CLCA1: variants seen among roughly 807,000 people sequenced by gnomAD.
The protein encoded by CLCA1 is calcium-activated chloride channel regulator 1.
A neutral mutation model predicts 85.6 loss-of-function variants in CLCA1; 59 were observed. The ratio of observed to expected loss-of-function variants is 0.69; its 90% CI spans 0.56 to 0.86. The LOEUF (loss-of-function observed/expected upper bound fraction) is 0.86, where lower values mean the gene tolerates loss of function less well. Among genes scored for constraint, CLCA1 ranks in the 40% least tolerant of loss-of-function variants. CLCA1 has a pLI of 0.00. For missense variants in CLCA1, 1,022 were observed against 1,101.4 expected (o/e 0.93, Z 1.02); for synonymous variants, 396 against 398.3 (o/e 0.99, Z 0.07).
chr1:86,491,360 C>A lies in CLCA1; in HGVS notation c.1453C>A (p.Arg485Ser). 6.2e-7 allele frequency: 1 copy of A among 1,607,858 alleles called. No homozygotes were observed. Among genetic ancestry groups the A allele is most frequent in the Non-Finnish European group, 8.5e-7 (1 of 1,174,788 alleles). The part of the protein sequence containing the change: ...LSSGNGAVSQ[R>S]SIQLESKGLT... The stretch of plus-strand genomic sequence containing the variant: ...ATCAGGAAATGGAGCTGTCTCTCAG[C>A]GCTCCATCCAGGTTGGAGTTCTTAA... Residue 485 changes from arginine to serine, a missense_variant, in exon 9 of 14, where the codon CGC becomes AGC. Physicochemically the swap from Arg to Ser is moderately radical, Grantham distance 110. Coordinates refer to ENST00000394711, the MANE Select transcript of CLCA1 (RefSeq NM_001285.4).
intron 4 of CLCA1, among the ~76,000 whole-genome samples, chr1:86,477,902 G>A (rs899495117): frequency 1.3e-5 from 2 of 152,142 alleles, no homozygotes; most frequent in African/African-American, 4.8e-5. Flanking sequence ...GTCTGCTTCC[G>A]GTCTTGCTTG....
chr1:86,485,431 T>C lies in CLCA1; in HGVS notation c.824T>C (p.Val275Ala). The C allele has an allele frequency of 6.2e-7, 1 of 1,614,172 alleles. No homozygotes were observed. The highest frequency in any genetic ancestry group is 2.2e-5 in the East Asian group (1 of 44,884). Residue 275 changes from valine (V) to alanine (A), a missense_variant, in exon 6 of 14, where the codon GTG becomes GCG. Transcript: ENST00000394711. The part of the protein sequence containing the change: ...QKCNLRSTWE[V>A]IRDSEDFKKT... The stretch of plus-strand genomic sequence containing the variant: ...TGCAATCTCCGAAGCACATGGGAAG[T>C]GATCCGTGATTCTGAGGACTTTAAG...
At chr1:86,493,964 C>G (rs555946097) in intron 10 of CLCA1, among the ~76,000 whole-genome samples, 1 of 152,284 alleles carries the variant, frequency 6.6e-6, no homozygotes, top group African/African-American at 2.4e-5. Context: ...ACCTCACCAT[C>G]CCCCTCCCAC....
chr1:86,479,744 G>A (rs926933614), intron 4 of CLCA1, among the ~76,000 whole-genome samples: 3 of 152,072 alleles, frequency 2.0e-5, no homozygotes, highest in African/African-American at 4.8e-5. Flanking sequence ...AATTAGCCAG[G>A]CGTGGTGGCG....
chr1:86,488,274 T>C (rs909980695), intron 7 of CLCA1, among the ~76,000 whole-genome samples: 15 of 152,196 alleles, frequency 9.9e-5, no homozygotes, highest in African/African-American at 3.6e-4. Context: ...TCTTGCTTTC[T>C]CTTCTTAAAT....
At chr1:86,496,293 G>C (rs1272401295) in intron 12 of CLCA1, among the ~76,000 whole-genome samples, 4 of 152,078 alleles carry the variant, frequency 2.6e-5, no homozygotes, top group Non-Finnish European at 5.9e-5. Context: ...AATAATTTAG[G>C]GTTTGTTATC....
At chr1:86,483,548 G>C (rs1647876415) in intron 5 of CLCA1, among the ~76,000 whole-genome samples, 1 of 151,964 alleles carries the variant, frequency 6.6e-6, no homozygotes, top group African/African-American at 2.4e-5. Flanking sequence ...CCACAGGCGA[G>C]AGATATAAAT....
At chr1:86,478,472 C>T (rs1237241503) in intron 4 of CLCA1, among the ~76,000 whole-genome samples, 1 of 152,104 alleles carries the variant, frequency 6.6e-6, no homozygotes, top group African/African-American at 2.4e-5. Flanking sequence ...TGCACTGCTG[C>T]CTCCTAGAGC....
intron 1 of CLCA1, among the ~76,000 whole-genome samples, chr1:86,471,635 T>G (rs1647500896): frequency 6.6e-6 from 1 of 152,196 alleles, no homozygotes; most frequent in Admixed American, 6.5e-5. Context: ...CTTTTCAAGT[T>G]TTTGGTGATC....
Position 86,495,688 on chromosome 1 carries a change from T to C in CLCA1, c.2113+13T>C. 1 of 1,599,884 alleles carries C rather than the reference T, an allele frequency of 6.3e-7. No homozygotes were observed. The highest frequency in any genetic ancestry group is 8.5e-7 in the Non-Finnish European group (1 of 1,171,086). On this transcript the variant is annotated intron_variant, in intron 12 of 13. Transcript: ENST00000394711. ...TGGATTGAGAATGGTAAGTAATTTG[T>C]AATAACATACCTGGCTTGTGCAAAA...
chr1:86,496,164 C>T (rs140768246), intron 12 of CLCA1, among the ~76,000 whole-genome samples: 1 of 152,196 alleles, frequency 6.6e-6, no homozygotes, highest in African/African-American at 2.4e-5. Flanking sequence ...CAAACTGTTA[C>T]TGGTAAATAG....
intron 8 of CLCA1, among the ~76,000 whole-genome samples, chr1:86,490,582 T>C (rs1648107284): frequency 6.6e-6 from 1 of 152,106 alleles, no homozygotes; most frequent in South Asian, 2.1e-4. Context: ...TAAGAGTAAA[T>C]CGATAGTCCT....
At chr1:86,473,955 G>C in intron 3 of CLCA1, 79 bp downstream of exon 3, 1 of 1,080,480 alleles carries the variant, frequency 9.3e-7, no homozygotes, top group Non-Finnish European at 1.3e-6. Context: ...CATTATCTTT[G>C]TGAGTAAGCA....
chr1:86,494,160 G>T (rs1648211031), intron 10 of CLCA1, 27 bp from the exon 11 acceptor site: 5 of 1,611,232 alleles, frequency 3.1e-6, no homozygotes, highest in Non-Finnish European at 4.2e-6. Context: ...GTTATTCATT[G>T]GAAATGTTTA....
At chr1:86,498,902 C>A in intron 13 of CLCA1, 91 bp downstream of exon 13, 1 of 1,419,800 alleles carries the variant, frequency 7.0e-7, no homozygotes. Flanking sequence ...TGTTCTGATA[C>A]TTAGGGGGCA....
chr1:86,499,112 A>T (rs1206934345), intron 13 of CLCA1, among the ~76,000 whole-genome samples: 1 of 152,288 alleles, frequency 6.6e-6, no homozygotes, highest in Non-Finnish European at 1.5e-5. Context: ...ACTCCTGGGG[A>T]AGAACTGGAA....
chr1:86,475,221 C>G (rs536806500), intron 3 of CLCA1, among the ~76,000 whole-genome samples: 1 of 152,118 alleles, frequency 6.6e-6, no homozygotes, highest in African/African-American at 2.4e-5. Context: ...TATTGTGACT[C>G]CACTCCAACT....
Position 86,500,086 on chromosome 1 carries a change from CT to C in CLCA1, c.*49del, listed in dbSNP as rs750995030. The C allele has an allele frequency of 1.9e-4, 272 of 1,396,310 alleles. 1 individual carries two copies. Among genetic ancestry groups the C allele is most frequent in the Admixed American group, 3.9e-4 (18 of 45,980 alleles). 86.5% of individuals were successfully genotyped at this position (1,396,310 alleles called of 1,614,324 possible). ...AGATAAATAAAATAAATCATTCATC[CT>C]TTTTTTTGATTATAAAATTTTCTAA... is the stretch of plus-strand genomic sequence containing the variant. On this transcript the variant is annotated 3_prime_UTR_variant, in exon 14 of 14. Transcript: ENST00000394711.
At chr1:86,494,596 CA>C (rs1356068028) in intron 11 of CLCA1, 148 bp downstream of exon 11, 1 of 792,382 alleles carries the variant, frequency 1.3e-6, no homozygotes, top group Non-Finnish European at 2.0e-6. Context: ...CATTTCCCCA[CA>C]ATTCCTACAT....
Sources: allele counts gnomAD v4.1 joint callset (sites outside exome capture counted in the v4.1 genomes callset), GRCh38; gene constraint gnomAD v4.1.1; transcripts MANE v1.5; gene names NCBI Gene and HGNC (gene_info 2026-07-23, HGNC 2026-07-21).